Variants in APOL2 observed in about 807,000 individuals in gnomAD.
APOL2 encodes the protein apolipoprotein L, 2.
In APOL2, 8 loss-of-function variants were observed where a neutral mutation model predicts 7.1. That is an observed-to-expected ratio of 1.12 (90% CI 0.66 to 2.03). The LOEUF (loss-of-function observed/expected upper bound fraction) is 2.03, where lower values mean the gene tolerates loss of function less well. APOL2 is among the 30% of genes most tolerant of loss of function. APOL2 has a pLI of 0.00. For missense variants in APOL2, 471 were observed against 415.1 expected, an observed-to-expected ratio of 1.13 and a Z score of -1.17; for synonymous variants, 177 against 159.9, an observed-to-expected ratio of 1.11 and a Z score of -0.81.
At chr22:36,237,141 AGCCTCT>A (rs746009407) in intron 1 of APOL2, 15 of 1,527,296 alleles carry the variant, frequency 9.8e-6, no homozygotes, top group Middle Eastern at 3.4e-4. Flanking sequence ...CTTTGTCTGG[AGCCTCT>A]GCTGGGGGTT....
In APOL2 at chr22:36,227,368, C is replaced by G; in HGVS notation, c.*36G>C. On this transcript the variant is annotated 3_prime_UTR_variant, in exon 5 of 5. Transcript: ENST00000358502. The stretch of plus-strand genomic sequence containing the variant: ...TCTGCATTTTGTCCTGGCCTGTGCC[C>G]GGCATTTCTGCCCTGGTGGCTGCAC... The G allele has an allele frequency of 2.6e-6, 4 of 1,544,088 alleles. No homozygotes were observed. Among genetic ancestry groups the G allele is most frequent in the South Asian group, 1.3e-5 (1 of 79,112 alleles).
At chr22:36,236,557 T>C (rs2015409903) in intron 1 of APOL2, 1 of 985,012 alleles carries the variant, frequency 1.0e-6, no homozygotes, top group Non-Finnish European at 1.2e-6. Flanking sequence ...CCCATCCCAG[T>C]TAGGGGCGGC....
intron 4 of APOL2, among the ~76,000 whole-genome samples, chr22:36,229,023 C>T (rs1294892494): frequency 6.6e-6 from 1 of 152,216 alleles, no homozygotes; most frequent in Non-Finnish European, 1.5e-5. Context: ...AGAGCTTCTT[C>T]TCCACTAGGC....
At chr22:36,229,285 C>G (rs2015135925) in intron 4 of APOL2, among the ~76,000 whole-genome samples, 1 of 152,240 alleles carries the variant, frequency 6.6e-6, no homozygotes, top group Non-Finnish European at 1.5e-5. Context: ...TGTTCCATCT[C>G]CCGCCCCCAC....
intron 4 of APOL2, among the ~76,000 whole-genome samples, 175 bp from the exon 5 acceptor site, chr22:36,228,455 G>C (rs9610460): frequency 0.39 from 59,903 of 152,062 alleles, 12,508 homozygotes; most frequent in Middle Eastern, 0.47. Flanking sequence ...GTTCATCATA[G>C]ATATTCCTCA....
upstream of APOL2, chr22:36,239,604 G>C: frequency 2.6e-6 from 3 of 1,154,762 alleles, no homozygotes; most frequent in Admixed American, 5.9e-5. Context: ...CTTCCCAGCA[G>C]CTCATGACCA....
Position 36,227,614 on chromosome 22 carries a change from C to T in APOL2, c.804G>A (p.Met268Ile), listed in dbSNP as rs1314732312. Residue 268 changes from methionine to isoleucine, a missense_variant, in exon 5 of 5, where the codon ATG (methionine) becomes ATA (isoleucine). By Grantham distance (10) the Met-to-Ile change is conservative. Coordinates refer to ENST00000358502, the MANE Select transcript of APOL2 (RefSeq NM_030882.4). ...CACCCACGATCATGGTTCCTCTGCT[C>T]ATTGCCTGGGCGGGGCCTTCAACAA... ...ERVVEGPAQA[M>I]SRGTMIVGAA... 2 of 1,614,130 alleles carry T rather than the reference C, an allele frequency of 1.2e-6. No individual in the cohort carries two copies. Among genetic ancestry groups the T allele is most frequent in the Non-Finnish European group, 1.7e-6 (2 of 1,180,040 alleles).
intron 3 of APOL2, 107 bp from the exon 4 acceptor site, chr22:36,231,573 T>G (rs2015226889): frequency 2.2e-6 from 3 of 1,383,512 alleles, no homozygotes; most frequent in African/African-American, 1.4e-5. Context: ...AACTGTGATG[T>G]GGGACATGTT....
Position 36,227,076 on chromosome 22 carries a change from G to T in APOL2, c.*328C>A. On this transcript the variant is annotated 3_prime_UTR_variant, in exon 5 of 5. Coordinates refer to ENST00000358502, the MANE Select transcript of APOL2 (RefSeq NM_030882.4). ...CACGCCTGTAATCCCAGCACTTTGGGAGGCCGAGGTGGGCAGATCACGAGG... is the reference window on the plus strand; with the variant it reads ...CACGCCTGTAATCCCAGCACTTTGGTAGGCCGAGGTGGGCAGATCACGAGG... 4.6e-6 allele frequency: 1 copy of T among 215,154 alleles called. No homozygotes were observed. The highest frequency in any genetic ancestry group is 1.0e-4 in the South Asian group (1 of 9,596). The allele number at this position is 215,154 out of a possible 1,614,324, so 13.3% of individuals were successfully genotyped here.
At position 36,227,928 on chromosome 22, in the gene APOL2, T is replaced by A. The variant is rs746490357; in HGVS notation, c.490A>T (p.Ile164Phe). ...GLGAAAAVAG[I>F]TCSVVELVNK... Reference sequence around the variant, plus strand: ...ACTAGTTCTACCACACTGCAGGTAATCCCAGCCACAGCAGCTGCTGCTCCC... The same window carrying A: ...ACTAGTTCTACCACACTGCAGGTAAACCCAGCCACAGCAGCTGCTGCTCCC... Residue 164 changes from isoleucine (I) to phenylalanine (F), a missense_variant, in exon 5 of 5, where the codon ATT becomes TTT. Physicochemically the swap from Ile to Phe is conservative, Grantham distance 21. Transcript: ENST00000358502. The A allele has an allele frequency of 2.2e-5, 36 of 1,613,908 alleles. No individual in the cohort carries two copies. Among genetic ancestry groups the A allele is most frequent in the Non-Finnish European group, 3.0e-5 (35 of 1,180,028 alleles).
chr22:36,237,440 G>C, intron 1 of APOL2: 2 of 1,106,068 alleles, frequency 1.8e-6, no homozygotes, highest in Non-Finnish European at 2.2e-6. Flanking sequence ...AAACTGTCTT[G>C]CTCTGTCACC....
intron 3 of APOL2, among the ~76,000 whole-genome samples, chr22:36,232,633 G>T (rs2015262399): frequency 6.6e-6 from 1 of 152,168 alleles, no homozygotes; most frequent in Non-Finnish European, 1.5e-5. Context: ...CCAGACCGGG[G>T]TCCATTTAAG....
In APOL2 at chr22:36,231,480, A is replaced by C. The variant is rs369024819; in HGVS notation, c.11-14T>G. 6.2e-7 allele frequency: 1 copy of C among 1,612,220 alleles called. No homozygotes were observed. Reference sequence around the variant, plus strand: ...AGATACTGCTCTCTAGTTGGAAAGAAGAAAGGATAAGGTTGGAGGATAGTG... The same window carrying C: ...AGATACTGCTCTCTAGTTGGAAAGACGAAAGGATAAGGTTGGAGGATAGTG... On this transcript the variant is annotated splice_polypyrimidine_tract_variant and intron_variant, in intron 3 of 4. Coordinates refer to ENST00000358502, the MANE Select transcript of APOL2 (RefSeq NM_030882.4).
Position 36,226,321 on chromosome 22 carries a change from C to T in APOL2, c.*1083G>A, listed in dbSNP as rs181847969. The T allele has an allele frequency of 2.6e-5, 4 of 152,304 alleles. No individual in the cohort carries two copies. Among genetic ancestry groups the T allele is most frequent in the Admixed American group, 1.3e-4 (2 of 15,286 alleles). 9.4% of individuals were successfully genotyped at this position (152,304 alleles called of 1,614,324 possible). On this transcript the variant is annotated 3_prime_UTR_variant, in exon 5 of 5. Coordinates refer to ENST00000358502, the MANE Select transcript of APOL2 (RefSeq NM_030882.4). Reference sequence around the variant, plus strand: ...AATGCTAAACTGCTTTCATGCTAATCTTCTGACTGTTTACTTACCGGCTAA... The same window carrying T: ...AATGCTAAACTGCTTTCATGCTAATTTTCTGACTGTTTACTTACCGGCTAA...
At chr22:36,233,510 C>CA (rs1407144052) in intron 1 of APOL2, 55 bp from the exon 2 acceptor site, 1 of 1,444,406 alleles carries the variant, frequency 6.9e-7, no homozygotes, top group Admixed American at 2.0e-5. Context: ...CTGATCATTA[C>CA]AGAAACTACA....
rs778242329 is a variant in APOL2 at position 36,227,502 on chromosome 22, A to G, written c.916T>C (p.Ser306Pro). 1.2e-6 allele frequency: 2 copies of G among 1,613,576 alleles called. No homozygotes were observed. The highest frequency in any genetic ancestry group is 1.3e-5 in the African/African-American group (1 of 74,788). ...GCCCGCTTCTTCAGCTCCTCAGCTG[A>G]CTCTGACTTTGCCCCCTCAAGCAAG... ...KHLLEGAKSE[S>P]AEELKKRAQE... The change falls in exon 5 of 5, where the codon TCA (serine) becomes CCA (proline). Residue 306 changes from serine to proline, a missense_variant. Transcript: ENST00000358502.
chr22:36,232,783 G>C (rs886069194), intron 3 of APOL2, among the ~76,000 whole-genome samples: 1 of 152,060 alleles, frequency 6.6e-6, no homozygotes, highest in African/African-American at 2.4e-5. Context: ...CGGTAGATAA[G>C]AGATCAGGGC....
At position 36,227,883 on chromosome 22, in the gene APOL2, C is replaced by G; in HGVS notation, c.535G>C (p.Ala179Pro). 1 of 1,614,262 alleles carries G rather than the reference C, an allele frequency of 6.2e-7. No individual in the cohort carries two copies. The highest frequency in any genetic ancestry group is 8.5e-7 in the Non-Finnish European group (1 of 1,180,052). ...VELVNKLRAR[A>P]QARNLDQSGT... The stretch of plus-strand genomic sequence containing the variant: ...CTTTGGTCCAAGTTGCGGGCTTGGG[C>G]TCGTGCCCGCAATTTGTTTACTAGT... The change falls in exon 5 of 5, where the codon GCC becomes CCC. Residue 179 changes from alanine to proline, a missense_variant. Physicochemically the swap from Ala to Pro is conservative, Grantham distance 27. Coordinates refer to ENST00000358502, the MANE Select transcript of APOL2 (RefSeq NM_030882.4).
At chr22:36,228,329 T>G in intron 4 of APOL2, 49 bp from the exon 5 acceptor site, 1 of 1,558,288 alleles carries the variant, frequency 6.4e-7, no homozygotes, top group Non-Finnish European at 8.7e-7. Flanking sequence ...TCCCTATCTG[T>G]GAAATGAGCT....
Sources: allele counts gnomAD v4.1 joint callset (sites outside exome capture counted in the v4.1 genomes callset), GRCh38; gene constraint gnomAD v4.1.1; transcripts MANE v1.5; gene names NCBI Gene and HGNC (gene_info 2026-07-23, HGNC 2026-07-21).